The following TRIM9 variants were observed in gnomAD, a reference collection of about 807,000 sequenced individuals.
TRIM9 encodes tripartite motif containing 9.
In TRIM9, 26 loss-of-function variants were observed where a neutral mutation model predicts 78.3. The ratio of observed to expected loss-of-function variants is 0.33; its 90% confidence interval spans 0.24 to 0.46. The LOEUF (loss-of-function observed/expected upper bound fraction) is 0.46, where lower values mean the gene tolerates loss of function less well. Among genes scored for constraint, TRIM9 ranks in the 20% least tolerant of loss-of-function variants. TRIM9 has a pLI of 1.00. For missense variants in TRIM9, 787 were observed against 1,036.4 expected (o/e 0.76, Z 3.30); for synonymous variants, 398 against 416.5 (o/e 0.96, Z 0.54).
At chr14:51,050,631 T>G (rs1004621138) in intron 1 of TRIM9, among the ~76,000 whole-genome samples, 3 of 152,210 alleles carry the variant, frequency 2.0e-5, no homozygotes, top group Non-Finnish European at 4.4e-5. Context: ...GGCTTGGGAC[T>G]GTCCCAACCA....
intron 1 of TRIM9, among the ~76,000 whole-genome samples, chr14:51,055,768 G>C (rs1281747526): frequency 6.6e-6 from 1 of 152,138 alleles, no homozygotes; most frequent in Non-Finnish European, 1.5e-5. Context: ...ATTTGTGTTT[G>C]TTCAAGCTAC....
chr14:51,005,489 G>T (rs1301715292), intron 5 of TRIM9, among the ~76,000 whole-genome samples: 1 of 152,144 alleles, frequency 6.6e-6, no homozygotes, highest in African/African-American at 2.4e-5. Flanking sequence ...GATTCTTTGT[G>T]TACTTAGACA....
intron 1 of TRIM9, among the ~76,000 whole-genome samples, chr14:51,093,866 A>G (rs1384044561): frequency 6.6e-6 from 1 of 152,230 alleles, no homozygotes; most frequent in Non-Finnish European, 1.5e-5. Context: ...TCCCGCTCGC[A>G]GGCAGCGCGC....
At chr14:51,028,249 T>G (rs1358163204) in intron 1 of TRIM9, among the ~76,000 whole-genome samples, 1 of 111,688 alleles carries the variant, frequency 9.0e-6, no homozygotes, top group African/African-American at 4.4e-5. Flanking sequence ...TTCTGGTATT[T>G]GATAAAAAAT....
rs35902015 is a variant in TRIM9 at position 51,039,321 on chromosome 14, C to T, written c.823-13961G>A. On this transcript the variant is annotated intron_variant, in intron 1 of 12. Transcript: ENST00000684578. Reference sequence around the variant, plus strand: ...AACTCTATGTGATAGCATATGTCCACGAAAGACTTGCATACGATGTTCATA... The same window carrying T: ...AACTCTATGTGATAGCATATGTCCATGAAAGACTTGCATACGATGTTCATA... Among the ~76,000 whole-genome samples, 1,055 of 152,274 alleles carry T rather than the reference C, an allele frequency of 6.9e-3. 6 individuals are homozygous for T. Among genetic ancestry groups the T allele is most frequent in the Middle Eastern group, 0.024 (7 of 294 alleles).
chr14:51,005,123 C>T (rs776444573), intron 5 of TRIM9, among the ~76,000 whole-genome samples: 6 of 152,162 alleles, frequency 3.9e-5, no homozygotes, highest in Admixed American at 6.5e-5. Flanking sequence ...TAACCCTGAA[C>T]GCAGGTTTTG....
chr14:51,024,248 T>C (rs2058023321), intron 2 of TRIM9, among the ~76,000 whole-genome samples: 1 of 152,218 alleles, frequency 6.6e-6, no homozygotes, highest in Non-Finnish European at 1.5e-5. Context: ...AGCCTGGGGC[T>C]GCACATTTTA....
intron 11 of TRIM9, among the ~76,000 whole-genome samples, chr14:50,981,531 A>G (rs938915480): frequency 1.3e-5 from 2 of 152,174 alleles, no homozygotes; most frequent in Non-Finnish European, 2.9e-5. Context: ...GTTTTCTTAT[A>G]ATGGATATCC....
chr14:51,087,928 T>A (rs917402070), intron 1 of TRIM9, among the ~76,000 whole-genome samples: 1 of 152,214 alleles, frequency 6.6e-6, no homozygotes, highest in Non-Finnish European at 1.5e-5. Flanking sequence ...TGGTGGTTTT[T>A]AAAATTATAT....
chr14:51,045,822 A>G (rs1222014507), intron 1 of TRIM9, among the ~76,000 whole-genome samples: 5 of 152,206 alleles, frequency 3.3e-5, no homozygotes, highest in Admixed American at 2.6e-4. Context: ...GTCATTAAAG[A>G]CAGACCTCAA....
intron 1 of TRIM9, among the ~76,000 whole-genome samples, chr14:51,025,830 A>G (rs957570157): frequency 1.3e-5 from 2 of 152,256 alleles, no homozygotes; most frequent in South Asian, 4.2e-4. Flanking sequence ...CTCTGGGGCC[A>G]CTTAAATATA....
intron 5 of TRIM9, among the ~76,000 whole-genome samples, chr14:51,003,777 A>G (rs1341838203): frequency 6.6e-6 from 1 of 152,154 alleles, no homozygotes; most frequent in Non-Finnish European, 1.5e-5. Flanking sequence ...ACCCAGAGAT[A>G]TTTGCATCTG....
chr14:51,058,359 G>A (rs924183532), intron 1 of TRIM9, among the ~76,000 whole-genome samples: 9 of 152,134 alleles, frequency 5.9e-5, no homozygotes, highest in African/African-American at 2.2e-4. Flanking sequence ...CTACTCTAAC[G>A]ACATTCTTGG....
At chr14:51,050,218 T>C (rs1307184175) in intron 1 of TRIM9, among the ~76,000 whole-genome samples, 1 of 152,174 alleles carries the variant, frequency 6.6e-6, no homozygotes, top group Non-Finnish European at 1.5e-5. Context: ...TTTGGCTGTG[T>C]CCCCACCCAA....
At chr14:50,979,329 G>A (rs769636455) in intron 12 of TRIM9, 58 bp downstream of exon 12, 93 of 1,613,868 alleles carry the variant, frequency 5.8e-5, no homozygotes, top group Non-Finnish European at 6.9e-5. Flanking sequence ...ACGGCCCTGG[G>A]CAGCCTTTGA....
intron 1 of TRIM9, among the ~76,000 whole-genome samples, chr14:51,049,535 TATATA>T (rs1446788433): frequency 2.0e-5 from 3 of 152,036 alleles, no homozygotes; most frequent in African/African-American, 7.3e-5. Context: ...AGTGTAATAA[TATATA>T]ATATAGGCCG....
chr14:50,980,691 A>C (rs1260733941), intron 11 of TRIM9, among the ~76,000 whole-genome samples: 1 of 152,230 alleles, frequency 6.6e-6, no homozygotes, highest in African/African-American at 2.4e-5. Flanking sequence ...AGCACTGAGA[A>C]TCTATTGACA....
Position 51,094,420 on chromosome 14 carries a change from C to A in TRIM9, c.520G>T (p.Ala174Ser), listed in dbSNP as rs367695979. Reference protein sequence around the residue: ...AALKCQLCEKAPKEATVMCEQ... With the variant: ...AALKCQLCEKSPKEATVMCEQ... The stretch of plus-strand genomic sequence containing the variant: ...CACATGACGGTGGCTTCCTTGGGCG[C>A]CTTCTCGCAGAGCTGGCACTTGAGG... Residue 174 changes from alanine (A) to serine (S), a missense_variant, in exon 1 of 13, where the codon GCG (alanine) becomes TCG (serine). This residue lies in a region of TRIM9 where 352 missense variants were observed against 472.3 expected (regional missense o/e 0.75). Transcript: ENST00000684578. 33 of 1,613,934 alleles carry A rather than the reference C, an allele frequency of 2.0e-5. No homozygotes were observed. In the South Asian group the frequency reaches 3.4e-4, roughly 17 times the overall value.
intron 12 of TRIM9, 115 bp downstream of exon 12, chr14:50,979,272 T>C: frequency 6.4e-7 from 1 of 1,567,514 alleles, no homozygotes; most frequent in South Asian, 1.1e-5. Flanking sequence ...CTTCATATCT[T>C]GGTCTGGGCC....
Sources: gnomAD v4.1 joint callset for allele counts (sites outside exome capture counted in the v4.1 genomes callset) on GRCh38, gnomAD v4.1.1 for gene constraint, gnomAD v4.1.1 regional missense constraint, MANE v1.5 for transcripts, NCBI Gene and HGNC (gene_info 2026-07-23, HGNC 2026-07-21) for gene names.